Variants in CYP4X1 observed in about 807,000 individuals in gnomAD.
CYP4X1 encodes cytochrome P450 family 4 subfamily X member 1.
Under a neutral mutation model 57.9 loss-of-function variants are expected in CYP4X1, and 44 were observed. The ratio of observed to expected loss-of-function variants is 0.76; its 90% CI spans 0.60 to 0.98. The LOEUF (loss-of-function observed/expected upper bound fraction) is 0.98, where lower values mean the gene tolerates loss of function less well. CYP4X1 is among the 50% of genes least tolerant of loss of function. The pLI is 0.00. For missense variants in CYP4X1, 532 were observed against 623.9 expected, an observed-to-expected ratio of 0.85 and a Z score of 1.57; for synonymous variants, 227 against 228.6, an observed-to-expected ratio of 0.99 and a Z score of 0.06.
the CYP4X1 span, among the ~76,000 whole-genome samples, chr1:46,985,414 G>T: frequency 6.6e-6 from 1 of 152,224 alleles, no homozygotes; most frequent in African/African-American, 2.4e-5. Context: ...AAGCACCTGG[G>T]GGAAGGGGTG....
chr1:47,022,283 C>CT (rs11352280), upstream of CYP4X1, among the ~76,000 whole-genome samples: 2,438 of 77,402 alleles, frequency 0.031, 125 homozygotes, highest in African/African-American at 0.074. Context: ...TGGGGCCTGT[C>CT]TTTTTTTTTT....
the CYP4X1 span, among the ~76,000 whole-genome samples, chr1:47,002,297 T>C: frequency 2.6e-5 from 4 of 152,338 alleles, no homozygotes; most frequent in South Asian, 8.3e-4. Flanking sequence ...TATATTTGAA[T>C]GAAGTTGCTT....
chr1:47,052,791 A>G (rs919749670), downstream of CYP4X1, among the ~76,000 whole-genome samples: 14 of 152,064 alleles, frequency 9.2e-5, no homozygotes, highest in Admixed American at 8.5e-4. Context: ...ATAAACAAAC[A>G]AATAAATAAA....
At chr1:47,028,972 A>G (rs1309429716) in intron 1 of CYP4X1, among the ~76,000 whole-genome samples, 2 of 152,202 alleles carry the variant, frequency 1.3e-5, no homozygotes, top group African/African-American at 2.4e-5. Flanking sequence ...AGGTTTCAAG[A>G]CTCTCAACCT....
the CYP4X1 span, among the ~76,000 whole-genome samples, chr1:46,978,866 T>C: frequency 1.3e-5 from 2 of 152,220 alleles, no homozygotes; most frequent in Non-Finnish European, 2.9e-5. Context: ...AACCTGTTCC[T>C]GAATGACTAC....
chr1:47,036,412 T>A (rs577707198), intron 6 of CYP4X1, among the ~76,000 whole-genome samples: 6 of 120,294 alleles, frequency 5.0e-5, no homozygotes, highest in Admixed American at 1.7e-4. Context: ...GGACAATTAT[T>A]ATTAATACAA....
At chr1:47,008,935 C>T in the CYP4X1 span, among the ~76,000 whole-genome samples, 1,651 of 152,208 alleles carry the variant, frequency 0.011, 35 homozygotes, top group African/African-American at 0.037. Context: ...TCCTTAGAGA[C>T]CTACAAAGAG....
the CYP4X1 span, among the ~76,000 whole-genome samples, chr1:46,971,596 A>G: frequency 1.8e-4 from 27 of 151,924 alleles, no homozygotes; most frequent in Admixed American, 1.8e-3. Flanking sequence ...TGTTTTTTTG[A>G]TATTTTTGAA....
At chr1:47,054,431 A>C (rs1437983965), downstream of CYP4X1, among the ~76,000 whole-genome samples, 1 of 152,092 alleles carries the variant, frequency 6.6e-6, no homozygotes, top group Non-Finnish European at 1.5e-5. Context: ...TGAACTTTAA[A>C]GTAGTTTTTT....
intron 3 of CYP4X1, among the ~76,000 whole-genome samples, chr1:47,032,542 T>C (rs1426500951): frequency 6.6e-6 from 1 of 152,238 alleles, no homozygotes; most frequent in African/African-American, 2.4e-5. Context: ...AAGCATTCAA[T>C]GAATGGTATC....
chr1:47,037,960 G>A (rs906456162), intron 6 of CYP4X1, among the ~76,000 whole-genome samples: 32 of 152,110 alleles, frequency 2.1e-4, no homozygotes, highest in African/African-American at 6.5e-4. Flanking sequence ...CATTCTAAAC[G>A]GATACATGTA....
At chr1:46,995,742 A>G in the CYP4X1 span, among the ~76,000 whole-genome samples, 1 of 152,234 alleles carries the variant, frequency 6.6e-6, no homozygotes, top group African/African-American at 2.4e-5. Context: ...GAAATTCATT[A>G]TAAAACTCAT....
At chr1:46,986,461 C>T in the CYP4X1 span, among the ~76,000 whole-genome samples, 1 of 152,158 alleles carries the variant, frequency 6.6e-6, no homozygotes, top group Non-Finnish European at 1.5e-5. Context: ...AAACACTCTT[C>T]AGGATATTAT....
At chr1:47,028,738 A>G (rs1445714845) in intron 1 of CYP4X1, among the ~76,000 whole-genome samples, 1 of 152,222 alleles carries the variant, frequency 6.6e-6, no homozygotes, top group Non-Finnish European at 1.5e-5. Flanking sequence ...ATATTAGTTT[A>G]CAATATTCAT....
At chr1:47,036,831 A>G (rs1450351870) in intron 6 of CYP4X1, among the ~76,000 whole-genome samples, 2 of 152,206 alleles carry the variant, frequency 1.3e-5, no homozygotes, top group East Asian at 3.8e-4. Context: ...GTGGGTTAAT[A>G]TATATAAAGC....
the CYP4X1 span, among the ~76,000 whole-genome samples, chr1:47,008,552 G>A: frequency 6.6e-6 from 1 of 152,144 alleles, no homozygotes; most frequent in South Asian, 2.1e-4. Context: ...CATAATGACA[G>A]GATCAAATTC....
chr1:47,035,939 T>C lies in CYP4X1; in HGVS notation c.620+6T>C, dbSNP rs778906601. 18 of 1,613,212 alleles carry C rather than the reference T, an allele frequency of 1.1e-5. No homozygotes were observed. Among genetic ancestry groups the C allele is most frequent in the Admixed American group, 5.0e-5 (3 of 59,888 alleles). ...ACCAACTGCCAGACAAACAGGTCAG[T>C]GGTGGGAGAGCAAAAAAGATATTTC... On this transcript the variant is annotated splice_donor_region_variant and intron_variant, in intron 5 of 11. Transcript: ENST00000371901.
At chr1:47,000,773 G>A in the CYP4X1 span, 1 of 152,890 alleles carries the variant, frequency 6.5e-6, no homozygotes, top group African/African-American at 2.4e-5. Context: ...ATTGCAGACA[G>A]ACTGGGGTAC....
chr1:46,970,833 T>C, the CYP4X1 span, among the ~76,000 whole-genome samples: 1 of 152,238 alleles, frequency 6.6e-6, no homozygotes, highest in Non-Finnish European at 1.5e-5. Flanking sequence ...ACAGTTTTCC[T>C]AATTTTCCTT....
Sources: allele counts gnomAD v4.1 joint callset (sites outside exome capture counted in the v4.1 genomes callset), GRCh38; gene constraint gnomAD v4.1.1; transcripts MANE v1.5; gene names NCBI Gene and HGNC (gene_info 2026-07-23, HGNC 2026-07-21).